Variants in RFX3 observed in about 807,000 individuals in gnomAD.
RFX3 encodes transcription factor RFX3.
In RFX3, 14 loss-of-function variants were observed where a neutral mutation model predicts 98.6. That is an observed-to-expected ratio of 0.14 (90% CI 0.09 to 0.22). The LOEUF (loss-of-function observed/expected upper bound fraction) is 0.22. Ranked by LOEUF, RFX3 falls within the 10% of genes least tolerant of loss-of-function variation. The pLI, the probability that RFX3 is intolerant of heterozygous loss-of-function variation, is 1.00. For missense variants in RFX3, 639 were observed against 926.9 expected (o/e 0.69, Z 4.03); for synonymous variants, 383 against 328.4 (o/e 1.17, Z -1.80).
At chr9:3,270,849 G>A (rs1462577480) in intron 10 of RFX3, 154 bp downstream of exon 10, 3 of 1,017,534 alleles carry the variant, frequency 2.9e-6, no homozygotes, top group Admixed American at 2.2e-5. Flanking sequence ...CCTCAAGAGA[G>A]CAGTTCATGG....
At chr9:3,328,408 T>A (rs999995401) in intron 4 of RFX3, among the ~76,000 whole-genome samples, 16 of 152,192 alleles carry the variant, frequency 1.1e-4, no homozygotes, top group Admixed American at 1.0e-3. Flanking sequence ...ACTAACCCCT[T>A]ATTTTATTGA....
intron 16 of RFX3, among the ~76,000 whole-genome samples, chr9:3,228,126 A>G (rs1036137368): frequency 2.6e-5 from 4 of 152,150 alleles, no homozygotes; most frequent in African/African-American, 9.7e-5. Context: ...TAGATAATTT[A>G]CTTGTTTTTA....
chr9:3,330,141 C>G (rs909152506), intron 4 of RFX3, 118 bp downstream of exon 4: 3 of 1,034,392 alleles, frequency 2.9e-6, no homozygotes, highest in Middle Eastern at 3.1e-4. Flanking sequence ...AATACTAAAA[C>G]TATCCAACAC....
intron 7 of RFX3, among the ~76,000 whole-genome samples, chr9:3,285,622 T>C (rs1263427482): frequency 6.6e-6 from 1 of 151,658 alleles, no homozygotes; most frequent in Non-Finnish European, 1.5e-5. Flanking sequence ...ACAGTAACAC[T>C]GCAATCAGTT....
At chr9:3,488,519 A>G (rs1850462892) in intron 1 of RFX3, among the ~76,000 whole-genome samples, 1 of 152,178 alleles carries the variant, frequency 6.6e-6, no homozygotes, top group Admixed American at 6.5e-5. Flanking sequence ...GGTTTGAGAA[A>G]TATAATAAAA....
intron 15 of RFX3, among the ~76,000 whole-genome samples, chr9:3,241,231 T>G (rs909699085): frequency 6.6e-6 from 1 of 151,776 alleles, no homozygotes; most frequent in Non-Finnish European, 1.5e-5. Context: ...TTTGTTTTTT[T>G]TTTTTTTGCC....
At chr9:3,237,699 T>C (rs1819349411) in intron 15 of RFX3, among the ~76,000 whole-genome samples, 1 of 152,228 alleles carries the variant, frequency 6.6e-6, no homozygotes, top group Non-Finnish European at 1.5e-5. Flanking sequence ...AATGTCCTTA[T>C]GCTTATTTTG....
chr9:3,367,648 C>G (rs1268221106), intron 2 of RFX3, among the ~76,000 whole-genome samples: 1 of 152,116 alleles, frequency 6.6e-6, no homozygotes, highest in Non-Finnish European at 1.5e-5. Context: ...TCAGAATTCC[C>G]CAGGGAAAAG....
chr9:3,505,257 T>TATATTTATATATATATGAATAG (rs1816869506), intron 1 of RFX3, among the ~76,000 whole-genome samples: 1 of 76,492 alleles, frequency 1.3e-5, no homozygotes, highest in Non-Finnish European at 2.0e-5. Context: ...TATATGAATA[T>TATATTTATATATATATGAATAG]ATATTTATAT....
chr9:3,288,396 T>C (rs947640044), intron 6 of RFX3, 146 bp from the exon 7 acceptor site: 4 of 634,286 alleles, frequency 6.3e-6, no homozygotes, highest in Non-Finnish European at 1.1e-5. Context: ...CTGTTCTGAA[T>C]ACTTTTATGT....
chr9:3,489,481 G>A (rs1850565000), intron 1 of RFX3: 3 of 925,724 alleles, frequency 3.2e-6, no homozygotes, highest in African/African-American at 1.8e-5. Flanking sequence ...TTATTGAGTA[G>A]TAGAGTAGGG....
chr9:3,377,432 C>G lies in RFX3; in HGVS notation c.117+18040G>C, dbSNP rs111675040. ...ACACAGGAAGGGGAACATCACACAC[C>G]GGGGCCTGTCATGGGGTGAGGGGAA... On this transcript the variant is annotated intron_variant, in intron 2 of 16. Transcript: ENST00000617270. 4.6e-5 allele frequency among the ~76,000 whole-genome samples: 7 copies of G among 152,090 alleles called. No homozygotes were observed. In the South Asian group the frequency reaches 8.3e-4, roughly 18 times the overall value.
intron 4 of RFX3, among the ~76,000 whole-genome samples, chr9:3,327,208 A>C (rs931135045): frequency 3.9e-5 from 6 of 152,128 alleles, no homozygotes; most frequent in African/African-American, 1.4e-4. Context: ...TAAAAAAAAA[A>C]ATCTTGATTT....
At position 3,399,674 on chromosome 9, in the gene RFX3, G is replaced by A. The variant is rs554313338; in HGVS notation, c.-8-4078C>T. ...TAGAAAATTGCTTTTTGAGGGGGCC[G>A]GGGGCAGTGGCTCACGCTTGTAATC... On this transcript the variant is annotated intron_variant, in intron 1 of 16. Coordinates refer to ENST00000617270, the MANE Select transcript of RFX3 (RefSeq NM_001282116.2). Among the ~76,000 whole-genome samples the A allele has an allele frequency of 7.9e-5, 12 of 152,018 alleles. No individual in the cohort carries two copies. The East Asian group carries it at 1.6e-3, about 20-fold the overall frequency.
chr9:3,257,453 T>C lies in RFX3; in HGVS notation c.1606-254A>G, dbSNP rs762543108. Among the ~76,000 whole-genome samples the C allele has an allele frequency of 4.7e-4, 71 of 152,176 alleles. 1 individual carries two copies. The highest frequency in any genetic ancestry group is 8.5e-4 in the Admixed American group (13 of 15,270). On this transcript the variant is annotated intron_variant, in intron 13 of 16. Transcript: ENST00000617270. ...GACACATGTAAGTATCATTTGGTTT[T>C]TCTACATTAACTAGTCTGTGTAAAA...
intron 1 of RFX3, among the ~76,000 whole-genome samples, chr9:3,480,833 T>C (rs200633246): frequency 6.6e-6 from 1 of 151,930 alleles, no homozygotes; most frequent in Admixed American, 6.6e-5. Flanking sequence ...GTAGAATAAA[T>C]AAGAGCTTTG....
chr9:3,441,645 G>A (rs898451073), intron 1 of RFX3, among the ~76,000 whole-genome samples: 2 of 152,072 alleles, frequency 1.3e-5, no homozygotes, highest in East Asian at 1.9e-4. Context: ...AAGCTGGAAC[G>A]AGTAACAAAA....
intron 2 of RFX3, among the ~76,000 whole-genome samples, chr9:3,377,436 G>A (rs1838671814): frequency 6.6e-6 from 1 of 152,150 alleles, no homozygotes. Context: ...ACACACCGGG[G>A]CCTGTCATGG....
intron 1 of RFX3, among the ~76,000 whole-genome samples, chr9:3,411,848 T>G (rs190258013): frequency 4.6e-5 from 7 of 152,126 alleles, no homozygotes; most frequent in East Asian, 1.9e-4. Context: ...GTCAGCCCCA[T>G]AGTCAAACAC....
Sources: gnomAD v4.1 joint callset for allele counts (sites outside exome capture counted in the v4.1 genomes callset) on GRCh38, gnomAD v4.1.1 for gene constraint, MANE v1.5 for transcripts, NCBI Gene and HGNC (gene_info 2026-07-23, HGNC 2026-07-21) for gene names.